The following KIAA1217 variants were observed in gnomAD, a reference collection of about 807,000 sequenced individuals.
The protein encoded by KIAA1217 is KIAA1217.
KIAA1217 carries 88 observed loss-of-function variants against 163.9 expected under a neutral mutation model. The ratio of observed to expected loss-of-function variants is 0.54; its 90% CI spans 0.45 to 0.64. The LOEUF is 0.64. KIAA1217 is among the 30% of genes least tolerant of loss of function. The probability of loss-of-function intolerance (pLI) is 0.00; values close to 1 mark genes in which losing one functional copy is unlikely to be tolerated. For synonymous variants in KIAA1217, 903 were observed against 923.1 expected, an observed-to-expected ratio of 0.98 and a Z score of 0.39; for missense variants, 2,372 against 2,475.0, an observed-to-expected ratio of 0.96 and a Z score of 0.88.
rs149634055 is a variant in KIAA1217, at chr10:23,995,398, C to T, written c.-320-11827C>T. On this transcript the variant is annotated intron_variant, in intron 1 of 18. Coordinates refer to the KIAA1217 transcript ENST00000376462. ...ATAATTGCAGGATTTGGGGTAAAAA[C>T]CCCTCAAAGCAAATTTCCTACTTTA... is the stretch of plus-strand genomic sequence containing the variant. Among the ~76,000 whole-genome samples, 81 of 152,032 alleles carry T rather than the reference C, an allele frequency of 5.3e-4. 1 individual carries two copies. The East Asian group carries it at 0.015, about 27-fold the overall frequency.
In KIAA1217 at chr10:24,264,764, T is replaced by TC. The variant is rs1491529932; in HGVS notation, c.354+44855_354+44856insC. Among the ~76,000 whole-genome samples the TC allele has an allele frequency of 9.6e-4, 97 of 101,484 alleles. 2 individuals are homozygous for TC. In the East Asian group the frequency reaches 0.023, roughly 24 times the overall value. The allele number at this position is 101,484 out of a possible 152,430, so 66.6% of individuals were successfully genotyped here. On this transcript the variant is annotated intron_variant, in intron 2 of 20. Coordinates refer to ENST00000376454, the MANE Select transcript of KIAA1217 (RefSeq NM_019590.5). ...TTGCTCTTGTGGTGGTCGGTCGGTC[T>TC]TTCTCTCTCTCTCTCTCTCTCTCTC... is the stretch of plus-strand genomic sequence containing the variant.
At chr10:24,116,534 T>G (rs369321355) in intron 2 of KIAA1217, among the ~76,000 whole-genome samples, 1 of 152,172 alleles carries the variant, frequency 6.6e-6, no homozygotes, top group South Asian at 2.1e-4. Flanking sequence ...TTCTCAATTT[T>G]TATGTGTTCC....
intron 16 of KIAA1217, 43 bp downstream of exon 16, chr10:24,533,280 C>T: frequency 6.4e-7 from 1 of 1,563,520 alleles, no homozygotes; most frequent in South Asian, 1.2e-5. Flanking sequence ...TGCCTCCCGC[C>T]TGGGTCTCTC....
chr10:24,331,843 A>G (rs540171405), intron 2 of KIAA1217, among the ~76,000 whole-genome samples: 6 of 152,356 alleles, frequency 3.9e-5, no homozygotes, highest in Admixed American at 2.0e-4. Context: ...CTTGTTGCCC[A>G]GGCTGGAGTG....
chr10:23,906,993 T>C (rs1256255799), intron 1 of KIAA1217, among the ~76,000 whole-genome samples: 1 of 152,114 alleles, frequency 6.6e-6, no homozygotes, highest in Non-Finnish European at 1.5e-5. Context: ...GAAATATTTA[T>C]ACACTGAGGG....
In KIAA1217 at chr10:24,473,516, A is replaced by G. The variant is rs754183744; in HGVS notation, c.1135A>G (p.Met379Val). 1 of 1,614,176 alleles carries G rather than the reference A, an allele frequency of 6.2e-7. No homozygotes were observed. Among genetic ancestry groups the G allele is most frequent in the Non-Finnish European group, 8.5e-7 (1 of 1,180,026 alleles). Residue 379 changes from methionine to valine, a missense_variant, in exon 6 of 21, where the codon ATG becomes GTG. This residue lies in a region of KIAA1217 where 1,431 missense variants were observed against 1,470.3 expected (regional missense o/e 0.97). Coordinates refer to ENST00000376454, the MANE Select transcript of KIAA1217 (RefSeq NM_019590.5). ...AAGAGATGTCAAGCCTGATGAAGACATGAGTGGCAAAAACATTGCAATGTA... is the reference window on the plus strand; with the variant it reads ...AAGAGATGTCAAGCCTGATGAAGACGTGAGTGGCAAAAACATTGCAATGTA... ...ERRDVKPDED[M>V]SGKNIAMYRN...
Position 24,473,270 on chromosome 10 carries a change from GC to G in KIAA1217, c.893del (p.Pro298LeufsTer71). The G allele has an allele frequency of 6.6e-7, 1 of 1,520,568 alleles. No individual in the cohort carries two copies. Among genetic ancestry groups the G allele is most frequent in the Non-Finnish European group, 8.8e-7 (1 of 1,135,584 alleles). 94.2% of individuals were successfully genotyped at this position (1,520,568 alleles called of 1,614,324 possible). On this transcript the variant is annotated frameshift_variant, in exon 6 of 21. Transcript: ENST00000376454. LOFTEE classifies it high-confidence loss of function. ...TTATGCAAGAGGAGATGGCCCTGGG[GC>G]CCCTCGCCCCGGATCTACTGCTCAT... ...LVYARGDGPGAPRPGSTAHPP... is the reference protein window; with the variant it reads ...LVYARGDGPGXPRPGSTAHPP...
chr10:24,444,651 A>G (rs561119459), intron 5 of KIAA1217, among the ~76,000 whole-genome samples: 2 of 152,306 alleles, frequency 1.3e-5, no homozygotes, highest in East Asian at 3.9e-4. Context: ...CAAATGCCAT[A>G]TTATTCATTT....
chr10:23,850,436 G>C (rs541240234), intron 1 of KIAA1217, among the ~76,000 whole-genome samples: 1 of 152,160 alleles, frequency 6.6e-6, no homozygotes, highest in South Asian at 2.1e-4. Context: ...AATTTCCACT[G>C]TAGGGAAAAA....
intron 1 of KIAA1217, among the ~76,000 whole-genome samples, chr10:23,877,953 C>A (rs549425597): frequency 6.6e-6 from 1 of 152,052 alleles, no homozygotes; most frequent in South Asian, 2.1e-4. Flanking sequence ...CACAGAGGAA[C>A]CACAGAATCA....
At chr10:23,796,534 T>C (rs1836215075) in intron 1 of KIAA1217, among the ~76,000 whole-genome samples, 1 of 152,104 alleles carries the variant, frequency 6.6e-6, no homozygotes, top group African/African-American at 2.4e-5. Context: ...GGTTAATTTT[T>C]GTATTTTTAG....
chr10:24,010,006 T>C (rs1847172057), intron 2 of KIAA1217, among the ~76,000 whole-genome samples: 1 of 152,098 alleles, frequency 6.6e-6, no homozygotes, highest in Admixed American at 6.6e-5. Flanking sequence ...GATCTGGCAT[T>C]TTGGAAGTTA....
At chr10:24,093,871 A>G (rs1162512966) in intron 2 of KIAA1217, among the ~76,000 whole-genome samples, 1 of 140,276 alleles carries the variant, frequency 7.1e-6, no homozygotes, top group East Asian at 2.2e-4. Context: ...TCATTGTTCA[A>G]TTCCCACTTA....
chr10:23,703,187 C>A (rs1292516150), intron 1 of KIAA1217, among the ~76,000 whole-genome samples: 1 of 152,124 alleles, frequency 6.6e-6, no homozygotes, highest in South Asian at 2.1e-4. Context: ...CTCCAGAGAT[C>A]GGGAGTGGAG....
chr10:23,761,644 T>G lies in KIAA1217; in HGVS notation c.-321+66410T>G, dbSNP rs531310579. Among the ~76,000 whole-genome samples, 5 of 152,338 alleles carry G rather than the reference T, an allele frequency of 3.3e-5. No homozygotes were observed. In the South Asian group the frequency reaches 1.0e-3, roughly 32 times the overall value. On this transcript the variant is annotated intron_variant, in intron 1 of 18. Transcript: ENST00000376462. ...CTGTTTGTTATGATTTCACTTCTTT[T>G]GCATTTGCTGAGGAGTGTTTTACTT...
At chr10:24,424,950 A>G (rs1361567332) in intron 3 of KIAA1217, among the ~76,000 whole-genome samples, 1 of 152,212 alleles carries the variant, frequency 6.6e-6, no homozygotes, top group East Asian at 1.9e-4. Context: ...TCTTAAAGAT[A>G]TGCTACTGTG....
rs2061833446 is a variant in KIAA1217, at chr10:24,089,257, C to T, written c.-171+81883C>T. Among the ~76,000 whole-genome samples, 2 of 125,258 alleles carry T rather than the reference C, an allele frequency of 1.6e-5. 1 individual carries two copies. Among genetic ancestry groups the T allele is most frequent in the Non-Finnish European group, 3.9e-5 (2 of 50,706 alleles). The allele number at this position is 125,258 out of a possible 152,430, so 82.2% of individuals were successfully genotyped here. On this transcript the variant is annotated intron_variant, in intron 2 of 18. Transcript: ENST00000376462. ...CCATTCTGTAAGTTGCCTATTCACTCTGATGGTAGTTTCTTTTGCTGTGCA... is the reference window on the plus strand; with the variant it reads ...CCATTCTGTAAGTTGCCTATTCACTTTGATGGTAGTTTCTTTTGCTGTGCA...
At chr10:23,854,885 T>C (rs1457130052) in intron 1 of KIAA1217, among the ~76,000 whole-genome samples, 6 of 152,112 alleles carry the variant, frequency 3.9e-5, no homozygotes, top group African/African-American at 1.2e-4. Context: ...TCCTCCATCC[T>C]TTTATTTTGA....
intron 6 of KIAA1217, among the ~76,000 whole-genome samples, chr10:24,476,535 A>G (rs2064061475): frequency 6.6e-6 from 1 of 152,230 alleles, no homozygotes; most frequent in East Asian, 1.9e-4. Context: ...CAGATTAACA[A>G]TATAAGAAAA....
Sources: gnomAD v4.1 joint callset for allele counts (sites outside exome capture counted in the v4.1 genomes callset) on GRCh38, gnomAD v4.1.1 for gene constraint, gnomAD v4.1.1 regional missense constraint, MANE v1.5 for transcripts, NCBI Gene and HGNC (gene_info 2026-07-23, HGNC 2026-07-21) for gene names.